Variants in RAPGEF1 observed in about 807,000 individuals in gnomAD.
RAPGEF1 encodes Rap guanine nucleotide exchange factor 1.
A neutral mutation model predicts 143.3 loss-of-function variants in RAPGEF1; 33 were observed. The ratio of observed to expected loss-of-function variants is 0.23; its 90% CI spans 0.17 to 0.31. RAPGEF1 has a LOEUF of 0.31. RAPGEF1 is among the 10% of genes least tolerant of loss of function. RAPGEF1 has a pLI of 1.00. For synonymous variants in RAPGEF1, 629 were observed against 676.5 expected (o/e 0.93, Z 1.09); for missense variants, 1,199 against 1,645.4 (o/e 0.73, Z 4.69).
chr9:131,711,628 G>A (rs992403602), intron 1 of RAPGEF1, among the ~76,000 whole-genome samples: 4 of 152,246 alleles, frequency 2.6e-5, no homozygotes, highest in African/African-American at 9.6e-5. Context: ...AAAGTGCTGG[G>A]ATTACAGGCG....
intron 12 of RAPGEF1, among the ~76,000 whole-genome samples, chr9:131,611,157 T>G (rs1276949850): frequency 1.3e-5 from 2 of 152,192 alleles, no homozygotes; most frequent in Non-Finnish European, 1.5e-5. Context: ...CACATGCACA[T>G]GAACTGAGAT....
At chr9:131,699,486 C>T (rs1349936186) in intron 1 of RAPGEF1, among the ~76,000 whole-genome samples, 1 of 152,102 alleles carries the variant, frequency 6.6e-6, no homozygotes, top group African/African-American at 2.4e-5. Flanking sequence ...TTAGGTGATC[C>T]GCCCGCCTCG....
chr9:131,612,077 G>C (rs185094793), intron 12 of RAPGEF1, among the ~76,000 whole-genome samples: 247 of 152,316 alleles, frequency 1.6e-3, no homozygotes, highest in African/African-American at 5.6e-3. Flanking sequence ...AGCCTGACGT[G>C]GAAGTAAAGG....
At chr9:131,716,337 T>C (rs2131249154) in intron 1 of RAPGEF1, among the ~76,000 whole-genome samples, 1 of 152,372 alleles carries the variant, frequency 6.6e-6, no homozygotes, top group South Asian at 2.1e-4. Flanking sequence ...TCCAGCCTTC[T>C]GAAGAAGCTG....
intron 1 of RAPGEF1, among the ~76,000 whole-genome samples, chr9:131,652,397 G>A (rs142892395): frequency 1.1e-3 from 168 of 152,286 alleles, no homozygotes; most frequent in African/African-American, 3.9e-3. Flanking sequence ...CTATAGGCAA[G>A]TGCTACAATG....
In RAPGEF1 at chr9:131,731,120, C is replaced by T. The variant is rs150354839; in HGVS notation, c.61+8650G>A. ...GACTATGTGCAAATGTTAACTCTTT[C>T]AGGTCTCAAAGAAAAGCTCTGTGTC... On this transcript the variant is annotated intron_variant, in intron 1 of 26. Transcript: ENST00000683357. Among the ~76,000 whole-genome samples the T allele has an allele frequency of 2.6e-4, 40 of 152,304 alleles. No homozygotes were observed. The East Asian group carries it at 7.5e-3, about 29-fold the overall frequency.
chr9:131,638,812 GA>G (rs1270566186), intron 4 of RAPGEF1, 21 bp from the exon 5 acceptor site: 1 of 1,607,120 alleles, frequency 6.2e-7, no homozygotes, highest in Admixed American at 1.7e-5. Context: ...GAGAAGAATG[GA>G]AAAAAAGAAA....
chr9:131,632,126 ACTCT>A (rs902933784), intron 5 of RAPGEF1, among the ~76,000 whole-genome samples: 19 of 145,580 alleles, frequency 1.3e-4, no homozygotes, highest in African/African-American at 4.6e-4. Context: ...AGAGATTGAG[ACTCT>A]CTCTTTTTTT....
At chr9:131,600,915 G>A (rs1196817000) in intron 15 of RAPGEF1, among the ~76,000 whole-genome samples, 1 of 152,158 alleles carries the variant, frequency 6.6e-6, no homozygotes, top group Non-Finnish European at 1.5e-5. Context: ...CAGCACTTTG[G>A]GAGGCTGGGG....
chr9:131,715,581 C>T (rs1320543331), intron 1 of RAPGEF1, among the ~76,000 whole-genome samples: 2 of 152,066 alleles, frequency 1.3e-5, no homozygotes, highest in East Asian at 1.9e-4. Flanking sequence ...TAAGAATGGC[C>T]GGGCACGGTG....
intron 12 of RAPGEF1, among the ~76,000 whole-genome samples, chr9:131,616,970 C>T (rs546301027): frequency 2.6e-5 from 4 of 152,168 alleles, no homozygotes; most frequent in East Asian, 1.9e-4. Context: ...AAGGTCCTTC[C>T]CTCAGGCTCC....
At chr9:131,732,045 C>T (rs777088674) in intron 1 of RAPGEF1, among the ~76,000 whole-genome samples, 1 of 152,150 alleles carries the variant, frequency 6.6e-6, no homozygotes, top group Non-Finnish European at 1.5e-5. Context: ...ACCTCCCCCC[C>T]TGTACCTTAG....
rs201621264 is a variant in RAPGEF1, at chr9:131,621,826, C to T, written c.1875G>A (p.Pro625=). The T allele has an allele frequency of 5.8e-5, 93 of 1,608,768 alleles. No individual in the cohort carries two copies. The highest frequency in any genetic ancestry group is 5.4e-4 in the East Asian group (24 of 44,612). ...GCCGCTGCTTGGGGGGTAGGGCGGG[C>T]GGCGGGGCCAGCTCCTGCACGGAGT... is the stretch of plus-strand genomic sequence containing the variant. ...GVDSVQELAP[P]PALPPKQRQL... Residue 625 remains proline (P), a synonymous_variant, in exon 11 of 27, where the codon CCG becomes CCA. Coordinates refer to ENST00000683357, the MANE Select transcript of RAPGEF1 (RefSeq NM_001377935.1). This position sits in a 1 kb window ranked among gnomAD's most constrained non-coding sequence, Gnocchi z 4.5.
In RAPGEF1 at chr9:131,583,152, C is replaced by T. The variant is rs756301115; in HGVS notation, c.3415-450G>A. ...GGACCAACTAAAGATAGCATGTGAC[C>T]TCGCCCTCCCCAGGGCTGGGTGGCT... On this transcript the variant is annotated intron_variant, in intron 24 of 26. Coordinates refer to ENST00000683357, the MANE Select transcript of RAPGEF1 (RefSeq NM_001377935.1). This position sits in a 1 kb window ranked among gnomAD's most constrained non-coding sequence, Gnocchi z 4.7. 2.0e-5 allele frequency among the ~76,000 whole-genome samples: 3 copies of T among 152,248 alleles called. No homozygotes were observed. Among genetic ancestry groups the T allele is most frequent in the Admixed American group, 1.3e-4 (2 of 15,300 alleles).
chr9:131,723,409 G>A (rs140420491), intron 1 of RAPGEF1, among the ~76,000 whole-genome samples: 241 of 152,140 alleles, frequency 1.6e-3, no homozygotes, highest in African/African-American at 5.5e-3. Context: ...TTTCTACCTT[G>A]CAAAACTGAA....
intron 1 of RAPGEF1, among the ~76,000 whole-genome samples, chr9:131,671,818 G>T (rs1378014793): frequency 6.6e-6 from 1 of 152,122 alleles, no homozygotes; most frequent in Admixed American, 6.6e-5. Flanking sequence ...TGGATTTGTG[G>T]ATTACTCCCA....
intron 11 of RAPGEF1, among the ~76,000 whole-genome samples, chr9:131,619,718 G>A (rs1960193877): frequency 6.6e-6 from 1 of 152,222 alleles, no homozygotes; most frequent in Admixed American, 6.5e-5. Flanking sequence ...GCTGTTGGGA[G>A]GATGAAATGG....
chr9:131,588,233 TC>T (rs1953531329), intron 20 of RAPGEF1, among the ~76,000 whole-genome samples: 4 of 152,214 alleles, frequency 2.6e-5, no homozygotes. Context: ...TGCCTTTCTC[TC>T]CTGCTTCTGC....
chr9:131,638,837 C>A, intron 4 of RAPGEF1, 46 bp from the exon 5 acceptor site: 1 of 1,572,676 alleles, frequency 6.4e-7, no homozygotes, highest in Non-Finnish European at 8.7e-7. Context: ...TAAAGCATGA[C>A]CATCACTTAG....
Sources: allele counts gnomAD v4.1 joint callset (sites outside exome capture counted in the v4.1 genomes callset), GRCh38; gene constraint gnomAD v4.1.1; non-coding constraint Gnocchi (gnomAD v3.1); transcripts MANE v1.5; gene names NCBI Gene and HGNC (gene_info 2026-07-23, HGNC 2026-07-21).